The following MYO1G variants were observed in gnomAD, a reference collection of about 807,000 sequenced individuals.
The protein encoded by MYO1G is myosin IG.
Under a neutral mutation model 115.3 loss-of-function variants are expected in MYO1G, and 65 were observed. That is an observed-to-expected ratio of 0.56 (90% confidence interval 0.46 to 0.69). MYO1G has a LOEUF of 0.69. MYO1G is among the 30% of genes least tolerant of loss of function. The pLI is 0.00. For synonymous variants in MYO1G, 510 were observed against 552.6 expected, an observed-to-expected ratio of 0.92 and a Z score of 1.08; for missense variants, 1,204 against 1,393.5, an observed-to-expected ratio of 0.86 and a Z score of 2.16.
At chr7:44,977,889 G>C (rs1278853895) in intron 1 of MYO1G, among the ~76,000 whole-genome samples, 1 of 152,126 alleles carries the variant, frequency 6.6e-6, no homozygotes, top group African/African-American at 2.4e-5. Flanking sequence ...GGTTTTCCTG[G>C]GCCTAGCTCC....
At chr7:44,974,989 G>T in intron 5 of MYO1G, 185 bp downstream of exon 5, 1 of 688,564 alleles carries the variant, frequency 1.5e-6, no homozygotes, top group Non-Finnish European at 2.6e-6. Context: ...ACACCCTCTT[G>T]TTTGTGGGGT....
At chr7:44,977,856 C>T (rs1430766495) in intron 1 of MYO1G, among the ~76,000 whole-genome samples, 2 of 152,196 alleles carry the variant, frequency 1.3e-5, no homozygotes, top group Non-Finnish European at 2.9e-5. Context: ...TGAGGTTCCT[C>T]TTTCTCCACC....
Position 44,977,080 on chromosome 7 carries a change from A to G in MYO1G, c.96-9T>C. 6 of 1,612,404 alleles carry G rather than the reference A, an allele frequency of 3.7e-6. No individual in the cohort carries two copies. The highest frequency in any genetic ancestry group is 2.2e-5 in the East Asian group (1 of 44,868). The stretch of plus-strand genomic sequence containing the variant: ...TGCGGCCCTTCTCGAACCTGGACAC[A>G]GCAGGGGTAGGCCTCAGCACTCACA... On this transcript the variant is annotated splice_polypyrimidine_tract_variant and intron_variant, in intron 1 of 21. Coordinates refer to ENST00000258787, the MANE Select transcript of MYO1G (RefSeq NM_033054.3).
At chr7:44,968,061 C>T in intron 12 of MYO1G, 103 bp from the exon 13 acceptor site, 1 of 931,604 alleles carries the variant, frequency 1.1e-6, no homozygotes, top group South Asian at 1.4e-5. Flanking sequence ...GCCTCTGTTC[C>T]CATAGGTCAG....
chr7:44,966,299 G>A lies in MYO1G; in HGVS notation c.1950-19C>T, dbSNP rs1470256825. On this transcript the variant is annotated intron_variant, in intron 15 of 21. Transcript: ENST00000258787. This position sits in a 1 kb window ranked among gnomAD's most constrained non-coding sequence, Gnocchi z 5.0. ...CTTGTACCTGTCACCACAGGACAGGGCAGTGTGGCCCAGGCCTGGGGGAGA... is the reference window on the plus strand; with the variant it reads ...CTTGTACCTGTCACCACAGGACAGGACAGTGTGGCCCAGGCCTGGGGGAGA... 1 of 1,579,648 alleles carries A rather than the reference G, an allele frequency of 6.3e-7. No homozygotes were observed.
rs779062594 is a variant in MYO1G, at chr7:44,970,641, C to T, written c.1168G>A (p.Val390Ile). Residue 390 changes from valine (V) to isoleucine (I), a missense_variant, in exon 9 of 22, where the codon GTC becomes ATC. Transcript: ENST00000258787. ...CCATAGATGTCCAGCACGCCAATGA[C>T]TGTGTCCTTGCCATCACGCCGAGGA... ...RDPRRDGKDT[V>I]IGVLDIYGFE... 2.5e-5 allele frequency: 40 copies of T among 1,613,774 alleles called. No homozygotes were observed. Among genetic ancestry groups the T allele is most frequent in the East Asian group, 4.5e-5 (2 of 44,900 alleles).
intron 14 of MYO1G, 80 bp downstream of exon 14, chr7:44,967,525 G>T: frequency 6.4e-7 from 1 of 1,567,182 alleles, no homozygotes. Context: ...ATGTACAGAG[G>T]TGGTTGGGAC....
In MYO1G at chr7:44,969,284, A is replaced by C. The variant is rs1425952398; in HGVS notation, c.1574+129T>G. On this transcript the variant is annotated intron_variant, in intron 12 of 21. Coordinates refer to ENST00000258787, the MANE Select transcript of MYO1G (RefSeq NM_033054.3). The surrounding 1 kb of genome is among the most constrained non-coding windows in gnomAD (Gnocchi z 5.0). ...TGTCCGGCATGTTTCAGTGTCTTAAAGGGGTGGGGGTGGCAGAAGTGGCCA... is the reference window on the plus strand; with the variant it reads ...TGTCCGGCATGTTTCAGTGTCTTAACGGGGTGGGGGTGGCAGAAGTGGCCA... The C allele has an allele frequency of 3.7e-6, 3 of 806,806 alleles. No individual in the cohort carries two copies. In the Admixed American group the frequency reaches 5.3e-5, roughly 14 times the overall value. The allele number at this position is 806,806 out of a possible 1,614,324, so 50.0% of individuals were successfully genotyped here. A position where few individuals can be genotyped will look rare whatever the true frequency, so the allele number is the denominator to read the frequency against.
chr7:44,967,996 G>A, intron 12 of MYO1G, 38 bp from the exon 13 acceptor site: 4 of 1,588,506 alleles, frequency 2.5e-6, no homozygotes, highest in Non-Finnish European at 3.5e-6. Context: ...GCAGGGGCGG[G>A]GGCTGCCAGG....
chr7:44,970,810 C>T, intron 8 of MYO1G, 25 bp downstream of exon 8: 1 of 1,613,556 alleles, frequency 6.2e-7, no homozygotes, highest in Non-Finnish European at 8.5e-7. Flanking sequence ...CTGGGCTTCC[C>T]TCCCTGTGCC....
chr7:44,970,256 G>A, intron 9 of MYO1G, 102 bp from the exon 10 acceptor site: 1 of 872,750 alleles, frequency 1.1e-6, no homozygotes, highest in Admixed American at 2.1e-5. Flanking sequence ...TTCATTGAGG[G>A]TTCTGGTGCC....
Position 44,976,863 on chromosome 7 carries a change from C to T in MYO1G, c.304G>A (p.Gly102Arg). ...GGGGCCCGGCGGCAGGGACAGGTAC[C>T]TGAGATGACGATGCAGGTGTCCCTG... Reference protein sequence around the residue: ...RSRDTCIVISGESGAGKTEAS... With the variant: ...RSRDTCIVISRESGAGKTEAS... The change falls in exon 2 of 22, where the codon GGG (glycine) becomes AGG (arginine). Residue 102 changes from glycine to arginine, a missense_variant and splice_region_variant. Transcript: ENST00000258787. 6.2e-7 allele frequency: 1 copy of T among 1,613,156 alleles called. No individual in the cohort carries two copies. The highest frequency in any genetic ancestry group is 2.2e-5 in the East Asian group (1 of 44,890).
chr7:44,978,682 T>A (rs896661657), intron 1 of MYO1G, among the ~76,000 whole-genome samples, 185 bp downstream of exon 1: 2 of 152,232 alleles, frequency 1.3e-5, no homozygotes, highest in Non-Finnish European at 2.9e-5. Flanking sequence ...CCTCCTTGTC[T>A]GTTCCTGTCC....
intron 17 of MYO1G, 70 bp downstream of exon 17, chr7:44,965,567 C>T (rs1468171003): frequency 7.5e-6 from 11 of 1,465,926 alleles, no homozygotes; most frequent in Non-Finnish European, 1.0e-5. Flanking sequence ...CACTGCAGGC[C>T]CGGGATGATG....
rs747067198 is a variant in MYO1G at position 44,965,857 on chromosome 7, A to T, written c.2161T>A (p.Trp721Arg). ...PIIVLLLQKA[W>R]RGTLARWRCR... ...CGCCACCTCGCCAAGGTGCCCCGCC[A>T]TGCCTGGGTGGGCCAGGTGGGATGG... Residue 721 changes from tryptophan to arginine, a missense_variant, in exon 17 of 22, where the codon TGG becomes AGG. Physicochemically the swap from Trp to Arg is moderately radical, Grantham distance 101. Transcript: ENST00000258787. 6.3e-7 allele frequency: 1 copy of T among 1,598,682 alleles called. No individual in the cohort carries two copies. Among genetic ancestry groups the T allele is most frequent in the African/African-American group, 1.3e-5 (1 of 74,866 alleles).
chr7:44,970,492 C>G, intron 9 of MYO1G, 100 bp downstream of exon 9: 2 of 1,511,288 alleles, frequency 1.3e-6, no homozygotes, highest in Non-Finnish European at 1.8e-6. Flanking sequence ...CGGGAGAAAC[C>G]CCAACATTCC....
At chr7:44,965,236 C>T (rs1794819340) in intron 17 of MYO1G, 147 bp from the exon 18 acceptor site, 1 of 1,228,370 alleles carries the variant, frequency 8.1e-7, no homozygotes, top group Non-Finnish European at 1.1e-6. Context: ...GCCTTGGCCC[C>T]TTGTGCCTAA....
At position 44,964,867 on chromosome 7, in the gene MYO1G, C is replaced by T. The variant is rs1269815699; in HGVS notation, c.2526+78G>A. The T allele has an allele frequency of 2.6e-6, 4 of 1,533,336 alleles. No individual in the cohort carries two copies. In the East Asian group the frequency reaches 6.8e-5, roughly 26 times the overall value. The allele number at this position is 1,533,336 out of a possible 1,614,324, so 95.0% of individuals were successfully genotyped here. ...GCCTGGGAGAGGACATCTGAGGGGA[C>T]CTGGTCACAGCATTAGCCGAGAGCC... On this transcript the variant is annotated intron_variant, in intron 18 of 21. Transcript: ENST00000258787. The surrounding 1 kb of genome is among the most constrained non-coding windows in gnomAD (Gnocchi z 5.1).
chr7:44,975,416 C>T, intron 4 of MYO1G, 68 bp downstream of exon 4: 3 of 1,568,108 alleles, frequency 1.9e-6, no homozygotes, highest in Non-Finnish European at 2.6e-6. Flanking sequence ...GGGATGGGTA[C>T]CTTCCCAGGC....
Sources: allele counts gnomAD v4.1 joint callset (sites outside exome capture counted in the v4.1 genomes callset), GRCh38; gene constraint gnomAD v4.1.1; non-coding constraint Gnocchi (gnomAD v3.1); transcripts MANE v1.5; gene names NCBI Gene and HGNC (gene_info 2026-07-23, HGNC 2026-07-21).